The following PTGES3 variants were observed in gnomAD, a reference collection of about 807,000 sequenced individuals.
The protein encoded by PTGES3 is prostaglandin E synthase 3.
PTGES3 carries 5 observed loss-of-function variants against 29.9 expected under a neutral mutation model. The observed-to-expected ratio is 0.17, with a 90% confidence interval of 0.09 to 0.35. PTGES3 has a LOEUF of 0.35. Among genes scored for constraint, PTGES3 ranks in the 10% least tolerant of loss-of-function variants. The pLI is 1.00. For synonymous variants in PTGES3, 49 were observed against 57.8 expected, an observed-to-expected ratio of 0.85 and a Z score of 0.69; for missense variants, 128 against 190.0, an observed-to-expected ratio of 0.67 and a Z score of 1.92.
chr12:56,688,097 T>C lies in PTGES3; in HGVS notation c.-98A>G. 1 of 1,435,100 alleles carries C rather than the reference T, an allele frequency of 7.0e-7. No individual in the cohort carries two copies. The highest frequency in any genetic ancestry group is 9.1e-7 in the Non-Finnish European group (1 of 1,094,694). The allele number at this position is 1,435,100 out of a possible 1,614,324, so 88.9% of individuals were successfully genotyped here. On this transcript the variant is annotated 5_prime_UTR_variant, in exon 1 of 8. Transcript: ENST00000262033. ...CTTCTCTCCGGTGGCGACTCCGCTTTTTCTCTCCGGTCGCGGCCTCTTCTC... is the reference window on the plus strand; with the variant it reads ...CTTCTCTCCGGTGGCGACTCCGCTTCTTCTCTCCGGTCGCGGCCTCTTCTC...
chr12:56,687,234 G>A (rs1384009165), intron 1 of PTGES3: 4 of 1,025,660 alleles, frequency 3.9e-6, no homozygotes, highest in Non-Finnish European at 2.3e-6. Context: ...ACTGTAACAA[G>A]ATAGTGAAAC....
rs984246220 is a variant in PTGES3, at chr12:56,687,206, A to G, written c.2+792T>C. The G allele has an allele frequency of 9.4e-6, 10 of 1,059,298 alleles. No individual in the cohort carries two copies. The African/African-American group carries it at 1.5e-4, about 16-fold the overall frequency. The allele number at this position is 1,059,298 out of a possible 1,614,324, so 65.6% of individuals were successfully genotyped here. A position where few individuals can be genotyped will look rare whatever the true frequency, so the allele number is the denominator to read the frequency against. On this transcript the variant is annotated intron_variant, in intron 1 of 7. Transcript: ENST00000262033. ...TGTAGGTTAATTAAATGCCTACTACATACCTATTTCATCCTACACTGTAAC... is the reference window on the plus strand; with the variant it reads ...TGTAGGTTAATTAAATGCCTACTACGTACCTATTTCATCCTACACTGTAAC...
chr12:56,685,770 C>CTTTT (rs9325161), intron 1 of PTGES3, among the ~76,000 whole-genome samples: 5 of 71,890 alleles, frequency 7.0e-5, no homozygotes, highest in East Asian at 7.5e-4. Flanking sequence ...GCTACACTTA[C>CTTTT]TTTTTTTTTT....
At chr12:56,674,401 G>C (rs1403175526) in intron 1 of PTGES3, among the ~76,000 whole-genome samples, 2 of 152,218 alleles carry the variant, frequency 1.3e-5, no homozygotes, top group Middle Eastern at 3.4e-3. Flanking sequence ...TCTTATGAAA[G>C]CCTTAGCAGG....
chr12:56,677,245 A>T (rs970565616), intron 1 of PTGES3, among the ~76,000 whole-genome samples: 1 of 143,776 alleles, frequency 7.0e-6, no homozygotes. Context: ...TCTCCGCACC[A>T]CCCAAAAAAA....
rs369454940 is a variant in PTGES3, at chr12:56,687,599, AC to A, written c.2+398del. The stretch of plus-strand genomic sequence containing the variant: ...ACTCGACTCAGGGCCTGGCCCCGGG[AC>A]CACAAAGCAACAGAACCGGAGCGCC... On this transcript the variant is annotated intron_variant, in intron 1 of 7. Coordinates refer to ENST00000262033, the MANE Select transcript of PTGES3 (RefSeq NM_006601.7). The A allele has an allele frequency of 4.8e-5, 52 of 1,073,854 alleles. No homozygotes were observed. The East Asian group carries it at 3.2e-3, about 65-fold the overall frequency. The allele number at this position is 1,073,854 out of a possible 1,614,324, so 66.5% of individuals were successfully genotyped here.
Position 56,664,335 on chromosome 12 carries a change from A to G in PTGES3, c.*144T>C, listed in dbSNP as rs1363591839. On this transcript the variant is annotated 3_prime_UTR_variant, in exon 8 of 8. Transcript: ENST00000262033. ...TCAACCCTTAGTGAAGCCTTTTAAA[A>G]AACAAACAGGTTGAAAAATGGGTTA... The G allele has an allele frequency of 2.1e-6, 2 of 968,580 alleles. No homozygotes were observed. The highest frequency in any genetic ancestry group is 5.1e-5 in the Admixed American group (2 of 39,144). The allele number at this position is 968,580 out of a possible 1,614,324, so 60.0% of individuals were successfully genotyped here.
At chr12:56,685,591 G>C (rs1420116000) in intron 1 of PTGES3, among the ~76,000 whole-genome samples, 14 of 151,160 alleles carry the variant, frequency 9.3e-5, no homozygotes. Flanking sequence ...TAGTAGAGAC[G>C]GGGTTTCACC....
chr12:56,687,005 C>CAA (rs11297744), intron 1 of PTGES3: 1,987 of 86,402 alleles, frequency 0.023, 37 homozygotes, highest in African/African-American at 0.045. Context: ...AACCTCCCGT[C>CAA]AAAAAAAAAA....
intron 1 of PTGES3, among the ~76,000 whole-genome samples, chr12:56,676,361 GTC>G (rs927300843): frequency 2.0e-5 from 3 of 151,848 alleles, no homozygotes; most frequent in Non-Finnish European, 2.9e-5. Context: ...AACTAACCAT[GTC>G]TCTGTACTTC....
chr12:56,667,910 C>T (rs186033382), intron 5 of PTGES3, among the ~76,000 whole-genome samples: 1 of 152,180 alleles, frequency 6.6e-6, no homozygotes, highest in East Asian at 1.9e-4. Context: ...GAGTTCGAGG[C>T]TAGCCTGCCC....
chr12:56,666,369 A>C, intron 5 of PTGES3, 103 bp from the exon 6 acceptor site: 2 of 1,341,614 alleles, frequency 1.5e-6, no homozygotes, highest in South Asian at 1.7e-5. Context: ...CACAGATATC[A>C]AAAAATGCAA....
chr12:56,684,086 G>T (rs1002649285), intron 1 of PTGES3, among the ~76,000 whole-genome samples: 3 of 151,768 alleles, frequency 2.0e-5, no homozygotes, highest in Non-Finnish European at 4.4e-5. Flanking sequence ...AGTATTTTTT[G>T]AGCTCACGTA....
intron 1 of PTGES3, among the ~76,000 whole-genome samples, chr12:56,681,082 T>C (rs2137695810): frequency 6.6e-6 from 1 of 152,058 alleles, no homozygotes; most frequent in Non-Finnish European, 1.5e-5. Context: ...CCCCCATTTG[T>C]AGTTGTGTTT....
intron 1 of PTGES3, among the ~76,000 whole-genome samples, chr12:56,680,432 T>C (rs1952479437): frequency 6.6e-6 from 1 of 151,890 alleles, no homozygotes; most frequent in Admixed American, 6.6e-5. Context: ...GCTGCCCTGA[T>C]TGGACTGCAA....
At chr12:56,683,421 C>T (rs1423216263) in intron 1 of PTGES3, among the ~76,000 whole-genome samples, 6 of 130,598 alleles carry the variant, frequency 4.6e-5, no homozygotes, top group Admixed American at 9.5e-5. Context: ...TGCGGTGAGC[C>T]GAGACCGTGA....
chr12:56,669,007 A>ATTTTTTTTT lies in PTGES3; in HGVS notation c.375+1259_375+1267dup, dbSNP rs577249197. On this transcript the variant is annotated intron_variant, in intron 5 of 7. Coordinates refer to ENST00000262033, the MANE Select transcript of PTGES3 (RefSeq NM_006601.7). The stretch of plus-strand genomic sequence containing the variant: ...TCTCATGGTAAACATTTCACCATGA[A>ATTTTTTTTT]TTTTTTTTTTTTTTTTTTTGGAGAC... 1.3e-3 allele frequency among the ~76,000 whole-genome samples: 127 copies of ATTTTTTTTT among 97,042 alleles called. 9 individuals carry two copies. Among genetic ancestry groups the ATTTTTTTTT allele is most frequent in the African/African-American group, 3.4e-3 (84 of 24,740 alleles). The allele number at this position is 97,042 out of a possible 152,430, so 63.7% of individuals were successfully genotyped here. A position where few individuals can be genotyped will look rare whatever the true frequency, so the allele number is the denominator to read the frequency against.
intron 3 of PTGES3, 112 bp downstream of exon 3, chr12:56,672,628 A>G: frequency 2.5e-6 from 3 of 1,201,932 alleles, no homozygotes; most frequent in Non-Finnish European, 3.3e-6. Flanking sequence ...AAATATACAT[A>G]GTTTGCCTCA....
intron 1 of PTGES3, among the ~76,000 whole-genome samples, chr12:56,683,295 C>T (rs1952641567): frequency 6.6e-6 from 1 of 151,010 alleles, no homozygotes; most frequent in African/African-American, 2.4e-5. Flanking sequence ...ACCAGCCTGA[C>T]CAACATGGAG....
Sources: allele counts gnomAD v4.1 joint callset (sites outside exome capture counted in the v4.1 genomes callset), GRCh38; gene constraint gnomAD v4.1.1; transcripts MANE v1.5; gene names NCBI Gene and HGNC (gene_info 2026-07-23, HGNC 2026-07-21).